Variants in CLPTM1L observed in about 807,000 individuals in gnomAD.
CLPTM1L encodes CLPTM1 like, also known as lipid scramblase CLPTM1L.
In CLPTM1L, 38 loss-of-function variants were observed where a neutral mutation model predicts 70.9. The ratio of observed to expected loss-of-function variants is 0.54; its 90% CI spans 0.41 to 0.70. The LOEUF is 0.70. Ranked by LOEUF, CLPTM1L falls within the 30% of genes least tolerant of loss-of-function variation. The probability of loss-of-function intolerance (pLI) is 0.00; values close to 1 mark genes in which losing one functional copy is unlikely to be tolerated. For missense variants in CLPTM1L, 652 were observed against 705.9 expected, an observed-to-expected ratio of 0.92 and a Z score of 0.87; for synonymous variants, 339 against 299.9, an observed-to-expected ratio of 1.13 and a Z score of -1.35.
rs370696611 is a variant in CLPTM1L, at chr5:1,325,736, A to C, written c.1146+15T>G. 1 of 1,609,800 alleles carries C rather than the reference A, an allele frequency of 6.2e-7. No individual in the cohort carries two copies. The highest frequency in any genetic ancestry group is 1.7e-5 in the Admixed American group (1 of 59,984). The stretch of plus-strand genomic sequence containing the variant: ...CAGAGAGGCTTGGGGTTCAGCCATT[A>C]CAACTAAATCCTACCTGAAATTCGG... On this transcript the variant is annotated intron_variant, in intron 10 of 16. Coordinates refer to ENST00000320895, the MANE Select transcript of CLPTM1L (RefSeq NM_030782.5).
intron 7 of CLPTM1L, among the ~76,000 whole-genome samples, chr5:1,332,672 G>C (rs927280657): frequency 2.6e-5 from 4 of 152,208 alleles, no homozygotes; most frequent in African/African-American, 9.6e-5. Context: ...GCACGGAGCA[G>C]TGCGATGAGA....
In CLPTM1L at chr5:1,318,376, G is replaced by A. The variant is rs33955038; in HGVS notation, c.1610C>T (p.Thr537Met). 35,371 of 1,613,206 alleles carry A rather than the reference G, an allele frequency of 0.022. 465 individuals carry two copies. Among genetic ancestry groups the A allele is most frequent in the Middle Eastern group, 0.029 (177 of 6,060 alleles). The stretch of plus-strand genomic sequence containing the variant: ...CGGCAGCCCGGGCGGCCTTCAGTCC[G>A]TGTGGGGCGCCCGCGTGGCCTTCTC... ...YEEKATRAPH[T>M]D The change falls in exon 17 of 17, where the codon ACG (threonine) becomes ATG (methionine). Residue 537 changes from threonine to methionine, a missense_variant. By Grantham distance (81) the Thr-to-Met change is moderately conservative (BLOSUM62 -1). Transcript: ENST00000320895. The surrounding 1 kb of genome is among the most constrained non-coding windows in gnomAD (Gnocchi z 8.9).
intron 15 of CLPTM1L, among the ~76,000 whole-genome samples, chr5:1,320,992 C>T (rs1469200900): frequency 4.6e-5 from 7 of 152,340 alleles, no homozygotes; most frequent in Middle Eastern, 3.4e-3. Context: ...AAGAGAATGG[C>T]CTGAAACCAG....
chr5:1,327,636 CCACCCAGCTCCTCCTCTACAGACACATTT>C (rs1752703590), intron 9 of CLPTM1L, among the ~76,000 whole-genome samples: 5 of 141,230 alleles, frequency 3.5e-5, no homozygotes, highest in South Asian at 2.3e-4. Context: ...CAGACACATT[CCACCCAGCTCCTCCTCTACAGACACATTT>C]CATCCAGCTC....
chr5:1,323,035 C>A, intron 12 of CLPTM1L, 124 bp from the exon 13 acceptor site: 1 of 963,728 alleles, frequency 1.0e-6, no homozygotes, highest in Non-Finnish European at 1.6e-6. Context: ...CACGGCAGCT[C>A]GGCAGCCAAG....
In CLPTM1L at chr5:1,342,243, C is replaced by G. The variant is rs1275255744; in HGVS notation, c.264-383G>C. 2.0e-5 allele frequency among the ~76,000 whole-genome samples: 3 copies of G among 152,188 alleles called. No individual in the cohort carries two copies. Among genetic ancestry groups the G allele is most frequent in the Admixed American group, 1.3e-4 (2 of 15,286 alleles). ...CAGCTGACCACACACACTGAATCAC[C>G]CAACTCCGAAGCGACAGAAGGGAAG... On this transcript the variant is annotated intron_variant, in intron 2 of 16. Transcript: ENST00000320895. The surrounding 1 kb of genome is among the most constrained non-coding windows in gnomAD (Gnocchi z 4.3).
At chr5:1,333,669 A>G (rs1753332138) in intron 7 of CLPTM1L, among the ~76,000 whole-genome samples, 1 of 94,706 alleles carries the variant, frequency 1.1e-5, no homozygotes, top group Non-Finnish European at 1.9e-5. Flanking sequence ...CCGGCTGAGG[A>G]TAAGGGGGGA....
At chr5:1,331,423 C>G (rs1007489856) in intron 8 of CLPTM1L, 1 of 288,140 alleles carries the variant, frequency 3.5e-6, no homozygotes, top group Admixed American at 4.4e-5. Context: ...GAGGACGGGG[C>G]GAGGGAACCA....
At chr5:1,321,910 G>A (rs944142929) in intron 13 of CLPTM1L, 91 bp from the exon 14 acceptor site, 4 of 1,183,676 alleles carry the variant, frequency 3.4e-6, no homozygotes, top group Non-Finnish European at 4.9e-6. Flanking sequence ...GGAGGGCCGA[G>A]CTGCCACGTC....
intron 7 of CLPTM1L, 93 bp from the exon 8 acceptor site, chr5:1,331,976 T>C (rs913581970): frequency 9.8e-7 from 1 of 1,018,390 alleles, no homozygotes; most frequent in Non-Finnish European, 1.5e-6. Flanking sequence ...ACCGTGAGAC[T>C]GCAGGTGTAC....
chr5:1,321,811 C>A lies in CLPTM1L; in HGVS notation c.1324G>T (p.Ala442Ser). The stretch of plus-strand genomic sequence containing the variant: ...GGCAGCATGAAGAGGAAACCAAAGG[C>A]ATAGACCCCTGCAGAAAGACAGACA... The part of the protein sequence containing the change: ...LINSFVNGVY[A>S]FGFLFMLPQL... The change falls in exon 14 of 17, where the codon GCC (alanine) becomes TCC (serine). Residue 442 changes from alanine (A) to serine (S), a missense_variant. Physicochemically the swap from Ala to Ser is moderately conservative, Grantham distance 99 (BLOSUM62 1). Coordinates refer to ENST00000320895, the MANE Select transcript of CLPTM1L (RefSeq NM_030782.5). 6.2e-7 allele frequency: 1 copy of A among 1,613,910 alleles called. No homozygotes were observed. Among genetic ancestry groups the A allele is most frequent in the African/African-American group, 1.3e-5 (1 of 75,054 alleles).
Position 1,341,591 on chromosome 5 carries a change from C to T in CLPTM1L, c.453+80G>A, listed in dbSNP as rs189494562. ...ACAAAGTCACTGGAGCCCTAGACAT[C>T]GCCCACCTGTGTGGAGAAAGACATG... On this transcript the variant is annotated intron_variant, in intron 3 of 16. Transcript: ENST00000320895. 77 of 1,274,206 alleles carry T rather than the reference C, an allele frequency of 6.0e-5. No individual in the cohort carries two copies. In the African/African-American group the frequency reaches 8.5e-4, roughly 14 times the overall value. The allele number at this position is 1,274,206 out of a possible 1,614,324, so 78.9% of individuals were successfully genotyped here. A position where few individuals can be genotyped will look rare whatever the true frequency, so the allele number is the denominator to read the frequency against.
At chr5:1,339,458 C>T (rs375866575) in intron 3 of CLPTM1L, among the ~76,000 whole-genome samples, 88 of 114,698 alleles carry the variant, frequency 7.7e-4, no homozygotes, top group Middle Eastern at 6.0e-3. Flanking sequence ...GCAGGGTCAG[C>T]GCCCTAACCT....
At chr5:1,338,250 A>G (rs1753709042) in intron 4 of CLPTM1L, 4 of 540,794 alleles carry the variant, frequency 7.4e-6, no homozygotes, top group South Asian at 6.1e-5. Flanking sequence ...GGGGAATTAC[A>G]GGGACACGGC....
At chr5:1,337,350 G>A (rs1052436222) in intron 5 of CLPTM1L, among the ~76,000 whole-genome samples, 1 of 152,234 alleles carries the variant, frequency 6.6e-6, no homozygotes, top group Non-Finnish European at 1.5e-5. Flanking sequence ...GGGAGAGCAG[G>A]CGCTGTCACT....
chr5:1,325,847 T>A, intron 9 of CLPTM1L, 31 bp from the exon 10 acceptor site: 1 of 1,601,902 alleles, frequency 6.2e-7, no homozygotes, highest in Non-Finnish European at 8.6e-7. Context: ...ATAGTTCCTT[T>A]AATATTCGAA....
At chr5:1,330,444 A>G in intron 8 of CLPTM1L, 61 bp from the exon 9 acceptor site, 1 of 1,367,454 alleles carries the variant, frequency 7.3e-7, no homozygotes, top group East Asian at 2.3e-5. Flanking sequence ...GTGTTCCCCA[A>G]GTCACACACA....
intron 4 of CLPTM1L, chr5:1,338,332 C>A (rs994014129): frequency 2.9e-6 from 1 of 343,726 alleles, no homozygotes; most frequent in Admixed American, 4.4e-5. Context: ...ACGGAGCAAT[C>A]CCAGGATGTG....
chr5:1,338,070 G>T (rs891420802), intron 4 of CLPTM1L, 88 bp from the exon 5 acceptor site: 1 of 1,094,304 alleles, frequency 9.1e-7, no homozygotes, highest in Non-Finnish European at 1.4e-6. Context: ...GTTTACCCCA[G>T]AGAAGTGCCC....
Sources: allele counts gnomAD v4.1 joint callset (sites outside exome capture counted in the v4.1 genomes callset), GRCh38; gene constraint gnomAD v4.1.1; non-coding constraint Gnocchi (gnomAD v3.1); transcripts MANE v1.5; gene names NCBI Gene and HGNC (gene_info 2026-07-23, HGNC 2026-07-21).